ATP8A2: variants seen among roughly 807,000 people sequenced by gnomAD.
The protein encoded by ATP8A2 is ATPase phospholipid transporting 8A2, also known as phospholipid-transporting ATPase IB.
Under a neutral mutation model 165.6 loss-of-function variants are expected in ATP8A2, and 100 were observed. The ratio of observed to expected loss-of-function variants is 0.60; its 90% CI spans 0.51 to 0.71. The LOEUF is 0.71. Ranked by LOEUF, ATP8A2 falls within the 30% of genes least tolerant of loss-of-function variation. ATP8A2 has a pLI of 0.00. For synonymous variants in ATP8A2, 543 were observed against 548.8 expected (o/e 0.99, Z 0.15); for missense variants, 1,227 against 1,479.5 (o/e 0.83, Z 2.80).
chr13:25,522,672 G>A (rs1172731473), intron 2 of ATP8A2, among the ~76,000 whole-genome samples: 4 of 152,016 alleles, frequency 2.6e-5, no homozygotes, highest in Non-Finnish European at 4.4e-5. Context: ...ATGATCACAT[G>A]GTTTTTGTTC....
At chr13:25,609,984 G>A (rs376795120) in intron 24 of ATP8A2, among the ~76,000 whole-genome samples, 1 of 151,882 alleles carries the variant, frequency 6.6e-6, no homozygotes, top group African/African-American at 2.4e-5. Flanking sequence ...TTGCTGATTT[G>A]TTTGAGTTCC....
chr13:25,779,146 A>G (rs2044812605), intron 27 of ATP8A2, among the ~76,000 whole-genome samples: 1 of 152,128 alleles, frequency 6.6e-6, no homozygotes, highest in African/African-American at 2.4e-5. Flanking sequence ...AAAATGTCAC[A>G]AACACTTGGC....
Position 25,744,330 on chromosome 13 carries a change from C to A in ATP8A2, c.2385-24716C>A, listed in dbSNP as rs191258339. 9.1e-4 allele frequency among the ~76,000 whole-genome samples: 138 copies of A among 152,050 alleles called. 3 individuals carry two copies. In the East Asian group the frequency reaches 0.017, roughly 19 times the overall value. ...TGGCATCTGGCTCACTCACCACCCC[C>A]CCGTGTGTATGTGCGCCCTTCTCTG... is the stretch of plus-strand genomic sequence containing the variant. On this transcript the variant is annotated intron_variant, in intron 25 of 36. Coordinates refer to ENST00000381655, the MANE Select transcript of ATP8A2 (RefSeq NM_016529.6).
chr13:25,458,405 G>A (rs2035418472), intron 1 of ATP8A2, among the ~76,000 whole-genome samples: 1 of 152,134 alleles, frequency 6.6e-6, no homozygotes, highest in East Asian at 1.9e-4. Context: ...TTTGAGATGA[G>A]GGTCTTTCTG....
chr13:25,724,177 A>G (rs1283347723), intron 25 of ATP8A2, among the ~76,000 whole-genome samples: 1 of 152,218 alleles, frequency 6.6e-6, no homozygotes, highest in Non-Finnish European at 1.5e-5. Flanking sequence ...GAAGAAAACC[A>G]GTTATAATTT....
chr13:25,454,716 G>A (rs933805466), intron 1 of ATP8A2, among the ~76,000 whole-genome samples: 4 of 152,186 alleles, frequency 2.6e-5, no homozygotes, highest in African/African-American at 2.4e-5. Context: ...GAGGTCATGA[G>A]ATCGAGACCA....
At chr13:25,399,830 C>T (rs1319460671) in intron 1 of ATP8A2, among the ~76,000 whole-genome samples, 1 of 150,788 alleles carries the variant, frequency 6.6e-6, no homozygotes, top group East Asian at 2.0e-4. Context: ...TCCTCTTCTT[C>T]TCTTTCTTCC....
intron 2 of ATP8A2, among the ~76,000 whole-genome samples, chr13:25,484,173 C>T (rs574250122): frequency 1.9e-4 from 29 of 152,258 alleles, no homozygotes; most frequent in Non-Finnish European, 3.7e-4. Flanking sequence ...CTTTTGGTGT[C>T]GTGAAAGAAC....
chr13:25,636,286 C>T (rs1283637427), intron 24 of ATP8A2, among the ~76,000 whole-genome samples: 1 of 152,106 alleles, frequency 6.6e-6, no homozygotes, highest in African/African-American at 2.4e-5. Context: ...TTGCTCAGCA[C>T]AGTAGACATT....
chr13:25,556,453 A>G (rs1313189204), intron 13 of ATP8A2, among the ~76,000 whole-genome samples: 1 of 151,874 alleles, frequency 6.6e-6, no homozygotes, highest in Non-Finnish European at 1.5e-5. Context: ...CATTTTTTTA[A>G]TGGGGTTGTT....
intron 1 of ATP8A2, among the ~76,000 whole-genome samples, chr13:25,424,023 G>C (rs1016329986): frequency 1.3e-5 from 2 of 152,138 alleles, no homozygotes; most frequent in Admixed American, 1.3e-4. Context: ...TGGCAGATGG[G>C]GAGGGCCATC....
At chr13:25,736,880 A>C (rs1189244115) in intron 25 of ATP8A2, among the ~76,000 whole-genome samples, 4 of 152,204 alleles carry the variant, frequency 2.6e-5, no homozygotes, top group Non-Finnish European at 5.9e-5. Flanking sequence ...GCGATTGTAG[A>C]GTACAACAAA....
intron 30 of ATP8A2, among the ~76,000 whole-genome samples, chr13:25,857,564 T>TC (rs1165297794): frequency 2.1e-5 from 3 of 142,080 alleles, no homozygotes; most frequent in African/African-American, 7.8e-5. Flanking sequence ...TCTTTTCTTT[T>TC]TTTTCCTTTT....
chr13:25,659,547 G>A (rs1566022566), intron 24 of ATP8A2, among the ~76,000 whole-genome samples: 1 of 152,316 alleles, frequency 6.6e-6, no homozygotes, highest in East Asian at 1.9e-4. Flanking sequence ...ATGCTTTGCT[G>A]CAAATGCATG....
chr13:25,487,132 A>G (rs1411809788), intron 2 of ATP8A2, among the ~76,000 whole-genome samples: 1 of 152,204 alleles, frequency 6.6e-6, no homozygotes, highest in African/African-American at 2.4e-5. Context: ...TGTTCTCCAT[A>G]AAATTCTCAA....
intron 1 of ATP8A2, among the ~76,000 whole-genome samples, chr13:25,388,161 AT>A (rs2033121697): frequency 1.3e-5 from 2 of 152,098 alleles, no homozygotes; most frequent in Non-Finnish European, 2.9e-5. Context: ...TAGTGTCAGA[AT>A]TAAGAAAGGA....
chr13:25,513,227 C>T (rs1195937722), intron 2 of ATP8A2, among the ~76,000 whole-genome samples: 4 of 151,416 alleles, frequency 2.6e-5, no homozygotes, highest in Non-Finnish European at 5.9e-5. Flanking sequence ...TGGAGGGTCT[C>T]CTCACTTCTC....
At chr13:25,932,166 C>T (rs1054174519) in intron 33 of ATP8A2, among the ~76,000 whole-genome samples, 3 of 152,022 alleles carry the variant, frequency 2.0e-5, no homozygotes, top group African/African-American at 4.8e-5. Context: ...AAATGTAGCA[C>T]GGAAGCACGT....
intron 2 of ATP8A2, among the ~76,000 whole-genome samples, chr13:25,496,162 A>C (rs1377664354): frequency 1.3e-5 from 2 of 152,136 alleles, no homozygotes; most frequent in East Asian, 3.9e-4. Flanking sequence ...TAATTGTAGG[A>C]AGCCATTCCT....
Sources: allele counts gnomAD v4.1 joint callset (sites outside exome capture counted in the v4.1 genomes callset), GRCh38; gene constraint gnomAD v4.1.1; transcripts MANE v1.5; gene names NCBI Gene and HGNC (gene_info 2026-07-23, HGNC 2026-07-21).